Variants in ANK3 observed in about 807,000 individuals in gnomAD.
The protein encoded by ANK3 is ankyrin-3.
ANK3 carries 57 observed loss-of-function variants against 370.9 expected under a neutral mutation model. The observed-to-expected ratio is 0.15, with a 90% CI of 0.12 to 0.19. The LOEUF (loss-of-function observed/expected upper bound fraction) is 0.19. Among genes scored for constraint, ANK3 ranks in the 10% least tolerant of loss-of-function variants. ANK3 has a pLI of 1.00. For missense variants in ANK3, 4,439 were observed against 5,302.1 expected, an observed-to-expected ratio of 0.84 and a Z score of 5.06; for synonymous variants, 1,929 against 1,946.3, an observed-to-expected ratio of 0.99 and a Z score of 0.23.
rs754546725 is a variant in ANK3 at position 60,203,098 on chromosome 10, C to A, written c.1296G>T (p.Ser432=). 2 of 1,611,050 alleles carry A rather than the reference C, an allele frequency of 1.2e-6. No individual in the cohort carries two copies. Among genetic ancestry groups the A allele is most frequent in the Admixed American group, 3.3e-5 (2 of 59,742 alleles). The part of the protein sequence containing the change: ...HGASIQAVTE[S]GLTPIHVAAF... ...CAGCAACATGGATTGGGGTAAGGCC[C>A]GACTAAGGGGAAAAGAAGAAAATGG... Residue 432 remains serine (S), a splice_region_variant and synonymous_variant, in exon 12 of 44, where the codon TCG becomes TCT. Coordinates refer to ENST00000280772, the MANE Select transcript of ANK3 (RefSeq NM_020987.5).
At chr10:60,681,573 C>T (rs2079195589) in intron 1 of ANK3, among the ~76,000 whole-genome samples, 1 of 152,184 alleles carries the variant, frequency 6.6e-6, no homozygotes, top group African/African-American at 2.4e-5. Context: ...CTATCCAGCC[C>T]CACCAGTCTC....
At chr10:60,369,427 G>C (rs2059821815) in intron 1 of ANK3, among the ~76,000 whole-genome samples, 1 of 152,150 alleles carries the variant, frequency 6.6e-6, no homozygotes, top group African/African-American at 2.4e-5. Context: ...ATTCTGACAA[G>C]AGGGACTATG....
At chr10:60,308,025 C>T (rs1236453852) in intron 1 of ANK3, among the ~76,000 whole-genome samples, 1 of 152,134 alleles carries the variant, frequency 6.6e-6, no homozygotes, top group Non-Finnish European at 1.5e-5. Flanking sequence ...TCCCTTCTTT[C>T]AAACTAAGGC....
intron 1 of ANK3, among the ~76,000 whole-genome samples, chr10:60,313,952 C>T (rs1196553351): frequency 1.4e-5 from 2 of 141,376 alleles, no homozygotes; most frequent in African/African-American, 5.4e-5. Context: ...TGCTTACTGG[C>T]TCTTATCTCT....
intron 1 of ANK3, among the ~76,000 whole-genome samples, chr10:60,656,415 TAG>T (rs1045437186): frequency 4.6e-5 from 7 of 152,168 alleles, no homozygotes; most frequent in African/African-American, 1.7e-4. Flanking sequence ...TCAGTCTAGT[TAG>T]AGATTCATCA....
intron 23 of ANK3, among the ~76,000 whole-genome samples, chr10:60,144,805 T>C (rs1181232827): frequency 1.3e-5 from 2 of 152,184 alleles, no homozygotes; most frequent in African/African-American, 4.8e-5. Flanking sequence ...TCCAAGTCAA[T>C]GGTCCAGTAC....
intron 16 of ANK3, among the ~76,000 whole-genome samples, chr10:60,189,914 C>A (rs536509673): frequency 6.6e-6 from 1 of 152,064 alleles, no homozygotes; most frequent in South Asian, 2.1e-4. Context: ...TGATCCATAT[C>A]AATAGATATG....
rs1246261563 is a variant in ANK3, at chr10:60,205,641, T to C, written c.1293+151A>G. 9.9e-6 allele frequency: 6 copies of C among 603,100 alleles called. No individual in the cohort carries two copies. The East Asian group carries it at 1.1e-4, about 11-fold the overall frequency. 37.4% of individuals were successfully genotyped at this position (603,100 alleles called of 1,614,324 possible). ...ATGTTTGTCTGCTTCTCCTAGGGAC[T>C]GGCAGCCCTCTTCCTAAAGAGTTCA... On this transcript the variant is annotated intron_variant, in intron 11 of 43. Coordinates refer to ENST00000280772, the MANE Select transcript of ANK3 (RefSeq NM_020987.5).
intron 2 of ANK3, among the ~76,000 whole-genome samples, chr10:60,522,686 A>G (rs1271933974): frequency 6.6e-6 from 1 of 152,042 alleles, no homozygotes; most frequent in Non-Finnish European, 1.5e-5. Flanking sequence ...TCCTAAATGG[A>G]GATAGTAATA....
At chr10:60,183,919 T>G (rs10159896) in intron 17 of ANK3, among the ~76,000 whole-genome samples, 21,625 of 151,006 alleles carry the variant, frequency 0.14, 2,334 homozygotes, top group African/African-American at 0.3. Context: ...AATAGCAACA[T>G]CTCTGTTTAA....
At chr10:60,719,037 C>A (rs2079827580) in intron 1 of ANK3, among the ~76,000 whole-genome samples, 1 of 152,136 alleles carries the variant, frequency 6.6e-6, no homozygotes, top group African/African-American at 2.4e-5. Flanking sequence ...TCCCCTGAGA[C>A]AACCAAATCC....
chr10:60,448,245 G>T (rs535326316), intron 2 of ANK3, among the ~76,000 whole-genome samples: 1 of 152,124 alleles, frequency 6.6e-6, no homozygotes, highest in Admixed American at 6.5e-5. Flanking sequence ...TCTGGGAATC[G>T]GCAATCAGAG....
chr10:60,413,702 A>G (rs768995047), intron 2 of ANK3, among the ~76,000 whole-genome samples: 93 of 152,314 alleles, frequency 6.1e-4, no homozygotes, highest in Non-Finnish European at 1.2e-3. Context: ...GATATTTCAT[A>G]AACTAAAACA....
chr10:60,505,250 TATAC>T (rs1465730512), intron 2 of ANK3, among the ~76,000 whole-genome samples: 4 of 152,092 alleles, frequency 2.6e-5, no homozygotes, highest in African/African-American at 9.7e-5. Flanking sequence ...ATAAAACTAT[TATAC>T]ATAGTGTTAA....
chr10:60,676,926 C>T (rs1386853290), intron 1 of ANK3, among the ~76,000 whole-genome samples: 2 of 152,154 alleles, frequency 1.3e-5, no homozygotes, highest in African/African-American at 2.4e-5. Context: ...ATGATAAATG[C>T]TTGTGTTGAT....
intron 1 of ANK3, among the ~76,000 whole-genome samples, chr10:60,693,635 G>A (rs527353985): frequency 6.6e-6 from 1 of 152,186 alleles, no homozygotes; most frequent in African/African-American, 2.4e-5. Flanking sequence ...CCCCAGCAGG[G>A]GCAGATTGAC....
At chr10:60,131,179 G>T (rs10740011) in intron 25 of ANK3, among the ~76,000 whole-genome samples, 77,893 of 151,930 alleles carry the variant, frequency 0.51, 20,533 homozygotes, top group East Asian at 0.72. Context: ...CTAAGAAAAT[G>T]ATCAATGATT....
intron 7 of ANK3, among the ~76,000 whole-genome samples, chr10:60,261,160 G>A (rs1020165178): frequency 3.9e-5 from 6 of 152,118 alleles, no homozygotes; most frequent in African/African-American, 1.4e-4. Context: ...TGAACCTAAG[G>A]AGTCTCAGAG....
intron 7 of ANK3, among the ~76,000 whole-genome samples, chr10:60,238,837 G>C (rs2097373707): frequency 6.6e-6 from 1 of 151,606 alleles, no homozygotes; most frequent in Non-Finnish European, 1.5e-5. Flanking sequence ...CTCATTTCCA[G>C]GTAAAAATAT....
Sources: gnomAD v4.1 joint callset for allele counts (sites outside exome capture counted in the v4.1 genomes callset) on GRCh38, gnomAD v4.1.1 for gene constraint, MANE v1.5 for transcripts, NCBI Gene and HGNC (gene_info 2026-07-23, HGNC 2026-07-21) for gene names.